TARBP1: variants seen among roughly 807,000 people sequenced by gnomAD.
The protein encoded by TARBP1 is tRNA guanosine 2 -O-methyltransferase TARBP1.
In TARBP1, 144 loss-of-function variants were observed where a neutral mutation model predicts 178.6. The observed-to-expected ratio is 0.81, with a 90% confidence interval of 0.70 to 0.93. The LOEUF (loss-of-function observed/expected upper bound fraction) is 0.93. TARBP1 is among the 40% of genes least tolerant of loss of function. The pLI is 0.00. For missense variants in TARBP1, 2,067 were observed against 2,011.7 expected, an observed-to-expected ratio of 1.03 and a Z score of -0.53; for synonymous variants, 787 against 781.0, an observed-to-expected ratio of 1.01 and a Z score of -0.13.
At chr1:234,476,571 G>A (rs1217630569) in intron 1 of TARBP1, among the ~76,000 whole-genome samples, 1 of 152,164 alleles carries the variant, frequency 6.6e-6, no homozygotes, top group Non-Finnish European at 1.5e-5. Flanking sequence ...GGAGGAATTC[G>A]TGGTAAGTAT....
At chr1:234,455,503 A>G (rs1451414191) in intron 9 of TARBP1, among the ~76,000 whole-genome samples, 2 of 152,246 alleles carry the variant, frequency 1.3e-5, no homozygotes, top group African/African-American at 4.8e-5. Flanking sequence ...GCTTTACTTT[A>G]CAAAAAAAGA....
At chr1:234,392,386 AAT>A in intron 29 of TARBP1, 28 bp downstream of exon 29, 2 of 1,606,332 alleles carry the variant, frequency 1.2e-6, no homozygotes, top group Non-Finnish European at 1.7e-6. Flanking sequence ...GGGCTCAGAG[AAT>A]ATACTATGGA....
At chr1:234,434,604 G>C (rs932045610) in intron 13 of TARBP1, among the ~76,000 whole-genome samples, 2 of 152,182 alleles carry the variant, frequency 1.3e-5, no homozygotes, top group African/African-American at 2.4e-5. Context: ...AGTCAGTTTT[G>C]AACAGTGTGA....
rs1246870321 is a variant in TARBP1 at position 234,400,903 on chromosome 1, TTTAGAG to T, written c.4071+272_4071+277del. 9 of 236,394 alleles carry T rather than the reference TTTAGAG, an allele frequency of 3.8e-5. 1 individual carries two copies. Among genetic ancestry groups the T allele is most frequent in the Admixed American group, 2.7e-4 (5 of 18,514 alleles). The allele number at this position is 236,394 out of a possible 1,614,324, so 14.6% of individuals were successfully genotyped here. ...CTTTTAATGTCAGAACAGATTTCTG[TTTAGAG>T]TTAAATATTCCCTTCCATTGTTTAC... On this transcript the variant is annotated intron_variant, in intron 25 of 29. Transcript: ENST00000040877.
chr1:234,412,728 C>A (rs902558173), intron 22 of TARBP1, among the ~76,000 whole-genome samples: 2 of 152,012 alleles, frequency 1.3e-5, no homozygotes, highest in African/African-American at 4.8e-5. Flanking sequence ...AGAAAGAAGA[C>A]CATTTTGTGT....
At chr1:234,408,214 T>C (rs527262541) in intron 23 of TARBP1, among the ~76,000 whole-genome samples, 47 of 151,694 alleles carry the variant, frequency 3.1e-4, no homozygotes, top group African/African-American at 1.0e-3. Flanking sequence ...TTTTTTTTTT[T>C]CCTTTTATAG....
intron 6 of TARBP1, among the ~76,000 whole-genome samples, chr1:234,462,381 A>G (rs900483511): frequency 9.2e-5 from 14 of 152,160 alleles, no homozygotes; most frequent in Non-Finnish European, 1.8e-4. Flanking sequence ...TAAACTCCTG[A>G]AATCTACCAA....
chr1:234,463,336 T>C (rs777942182), intron 6 of TARBP1, among the ~76,000 whole-genome samples: 1 of 152,058 alleles, frequency 6.6e-6, no homozygotes, highest in Admixed American at 6.6e-5. Flanking sequence ...GTTGGCCAGG[T>C]TGGTCTCGAA....
chr1:234,431,722 A>T lies in TARBP1; in HGVS notation c.2395-1421T>A, dbSNP rs12086678. On this transcript the variant is annotated intron_variant, in intron 14 of 29. Coordinates refer to ENST00000040877, the MANE Select transcript of TARBP1 (RefSeq NM_005646.4). ...AATCCCCATTTTGCAGGTGCAGTAA[A>T]TGAGACACAGAGGGGTTAAATAATG... Among the ~76,000 whole-genome samples, 1,472 of 152,342 alleles carry T rather than the reference A, an allele frequency of 9.7e-3. 24 individuals carry two copies. The highest frequency in any genetic ancestry group is 0.033 in the African/African-American group (1,356 of 41,572).
intron 29 of TARBP1, 131 bp downstream of exon 29, chr1:234,392,285 G>A (rs1360897018): frequency 1.9e-5 from 22 of 1,166,778 alleles, no homozygotes; most frequent in South Asian, 3.1e-5. Context: ...GTAGTGAGCC[G>A]AGATTGTGCC....
At chr1:234,394,945 C>T (rs1659770449) in intron 26 of TARBP1, among the ~76,000 whole-genome samples, 1 of 151,716 alleles carries the variant, frequency 6.6e-6, no homozygotes, top group South Asian at 2.1e-4. Context: ...ACACATTAGC[C>T]AGGTGTGGTG....
At chr1:234,454,418 A>G (rs1254049766) in intron 9 of TARBP1, among the ~76,000 whole-genome samples, 2 of 152,174 alleles carry the variant, frequency 1.3e-5, no homozygotes, top group Non-Finnish European at 2.9e-5. Flanking sequence ...AAATTTTTAG[A>G]TGAAAAATAA....
At chr1:234,448,820 G>C (rs536061285) in intron 10 of TARBP1, among the ~76,000 whole-genome samples, 46 of 152,294 alleles carry the variant, frequency 3.0e-4, no homozygotes, top group Admixed American at 7.8e-4. Flanking sequence ...GGGTGCTGCA[G>C]ACCCAGTGTT....
At chr1:234,410,311 A>G (rs995536579) in intron 23 of TARBP1, 134 bp downstream of exon 23, 2 of 559,542 alleles carry the variant, frequency 3.6e-6, no homozygotes, top group Non-Finnish European at 6.5e-6. Flanking sequence ...ATACATGTGC[A>G]CATTAGCAGG....
chr1:234,400,923 TC>T (rs1660617323), intron 25 of TARBP1: 2 of 286,746 alleles, frequency 7.0e-6, no homozygotes, highest in Non-Finnish European at 1.3e-5. Context: ...AATATTCCCT[TC>T]CATTGTTTAC....
intron 5 of TARBP1, among the ~76,000 whole-genome samples, chr1:234,464,456 A>AT (rs1455327199): frequency 6.6e-6 from 1 of 152,220 alleles, no homozygotes; most frequent in Non-Finnish European, 1.5e-5. Flanking sequence ...AATTGAACAC[A>AT]TTAGAGTGCT....
intron 8 of TARBP1, 105 bp downstream of exon 8, chr1:234,459,125 A>T: frequency 1.4e-6 from 1 of 708,198 alleles, no homozygotes; most frequent in East Asian, 2.6e-5. Flanking sequence ...TATTACAAGC[A>T]GGCCTTTCTA....
chr1:234,424,991 G>A (rs535058322), intron 20 of TARBP1, among the ~76,000 whole-genome samples: 41 of 152,084 alleles, frequency 2.7e-4, no homozygotes, highest in South Asian at 2.3e-3. Context: ...AATCCAGGAG[G>A]CAGAGGTTGC....
intron 11 of TARBP1, 88 bp downstream of exon 11, chr1:234,448,392 G>T: frequency 1.7e-6 from 2 of 1,147,928 alleles, no homozygotes; most frequent in Non-Finnish European, 2.6e-6. Flanking sequence ...GGTCAACTAA[G>T]TTCAATCATT....
Sources: gnomAD v4.1 joint callset for allele counts (sites outside exome capture counted in the v4.1 genomes callset) on GRCh38, gnomAD v4.1.1 for gene constraint, MANE v1.5 for transcripts, NCBI Gene and HGNC (gene_info 2026-07-23, HGNC 2026-07-21) for gene names.